SMIM43: variants seen among roughly 807,000 people sequenced by gnomAD.
SMIM43 encodes Nodal Enhanced MEsendoderm Peptide.
In SMIM43 at chr4:121,760,144, G is replaced by A. The variant is rs1179695494; in HGVS notation, c.*830C>T. The A allele has an allele frequency of 1.4e-5, 18 of 1,260,014 alleles. No homozygotes were observed. Among genetic ancestry groups the A allele is most frequent in the Non-Finnish European group, 1.9e-5 (18 of 925,198 alleles). 78.1% of individuals were successfully genotyped at this position (1,260,014 alleles called of 1,614,324 possible). A position where few individuals can be genotyped will look rare whatever the true frequency, so the allele number is the denominator to read the frequency against. The stretch of plus-strand genomic sequence containing the variant: ...AAGGAACTAGAGTTTTGATCTTTTT[G>A]AACTTTATGCTCCTCTGCAACTGTA... On this transcript the variant is annotated 3_prime_UTR_variant, in exon 6 of 6. Coordinates refer to ENST00000643802, the MANE Select transcript of SMIM43 (RefSeq NM_001384332.1).
In SMIM43 at chr4:121,761,868, T is replaced by A. The variant is rs1726091871; in HGVS notation, c.*303A>T. 3 of 1,612,170 alleles carry A rather than the reference T, an allele frequency of 1.9e-6. No individual in the cohort carries two copies. Among genetic ancestry groups the A allele is most frequent in the Middle Eastern group, 3.3e-4 (2 of 6,062 alleles). On this transcript the variant is annotated 3_prime_UTR_variant, in exon 4 of 6. Coordinates refer to ENST00000643802, the MANE Select transcript of SMIM43 (RefSeq NM_001384332.1). ...AGTGCAACAGCCAAGATTGTCCTGA[T>A]AAGATCTGAAGCCATTTTGAACACC...
rs1252687670 is a variant in SMIM43 at position 121,765,087 on chromosome 4, A to G, written c.19T>C (p.Leu7=). ...AAGAAGAGCGCCAGGTAGAGCAGCA[A>G]GTTGAGTTCCCACTCCATGCTGGAG... The part of the protein sequence containing the change: MEWELN[L]LLYLALFFFL... Residue 7 remains leucine (L), a synonymous_variant, in exon 1 of 6, where the codon TTG becomes CTG. Transcript: ENST00000643802. 2 of 397,860 alleles carry G rather than the reference A, an allele frequency of 5.0e-6. No individual in the cohort carries two copies. Among genetic ancestry groups the G allele is most frequent in the African/African-American group, 2.1e-5 (1 of 48,560 alleles). The allele number at this position is 397,860 out of a possible 1,614,324, so 24.6% of individuals were successfully genotyped here. A position where few individuals can be genotyped will look rare whatever the true frequency, so the allele number is the denominator to read the frequency against.
Position 121,760,216 on chromosome 4 carries a change from C to G in SMIM43, c.*758G>C. The G allele has an allele frequency of 1.3e-6, 2 of 1,527,596 alleles. No homozygotes were observed. The highest frequency in any genetic ancestry group is 1.8e-6 in the Non-Finnish European group (2 of 1,140,008). The allele number at this position is 1,527,596 out of a possible 1,614,324, so 94.6% of individuals were successfully genotyped here. ...TGTTAGTTGTCCTCCCAAGATCCAC[C>G]ATCATCTTCTTCTTCATCAAGAGAA... is the stretch of plus-strand genomic sequence containing the variant. On this transcript the variant is annotated 3_prime_UTR_variant, in exon 6 of 6. Coordinates refer to ENST00000643802, the MANE Select transcript of SMIM43 (RefSeq NM_001384332.1).
Position 121,763,404 on chromosome 4 carries a change from C to G in SMIM43, c.*206+360G>C, listed in dbSNP as rs536453690. Among the ~76,000 whole-genome samples the G allele has an allele frequency of 5.9e-5, 9 of 152,304 alleles. No homozygotes were observed. In the East Asian group the frequency reaches 1.7e-3, roughly 29 times the overall value. ...TATGACTTAGCTTATCCCACACTGA[C>G]ATGACTAAACCCAAATCTTCCCTTA... On this transcript the variant is annotated intron_variant, in intron 2 of 5. Transcript: ENST00000643802.
At chr4:121,763,691 T>C (rs1726189764) in intron 2 of SMIM43, 73 bp downstream of exon 2, 1 of 152,148 alleles carries the variant, frequency 6.6e-6, no homozygotes, top group African/African-American at 2.4e-5. Context: ...ACCAACATGT[T>C]TTTAGGCCCT....
At chr4:121,761,957 A>T in intron 3 of SMIM43, 65 bp from the exon 4 acceptor site, 1 of 1,328,936 alleles carries the variant, frequency 7.5e-7, no homozygotes, top group Non-Finnish European at 1.0e-6. Context: ...TACATAATAG[A>T]ATTATGGCTC....
In SMIM43 at chr4:121,760,407, G is replaced by C; in HGVS notation, c.*567C>G. ...TTTAAAAGGAAGTGGATTTGAACTG[G>C]CATGCCCCGTTTTCTCTGTGGGCTT... On this transcript the variant is annotated 3_prime_UTR_variant, in exon 6 of 6. Coordinates refer to ENST00000643802, the MANE Select transcript of SMIM43 (RefSeq NM_001384332.1). 1.3e-6 allele frequency: 2 copies of C among 1,577,848 alleles called. No homozygotes were observed. The highest frequency in any genetic ancestry group is 1.7e-6 in the Non-Finnish European group (2 of 1,160,512).
rs374529757 is a variant in SMIM43 at position 121,761,725 on chromosome 4, A to G, written c.*342-30T>C. Reference sequence around the variant, plus strand: ...AATTGAAGTTCAGACATAGGAATCTACTTTATTAGACATTTTAGATTTTGC... The same window carrying G: ...AATTGAAGTTCAGACATAGGAATCTGCTTTATTAGACATTTTAGATTTTGC... On this transcript the variant is annotated intron_variant, in intron 4 of 5. Transcript: ENST00000643802. The G allele has an allele frequency of 8.1e-6, 13 of 1,610,638 alleles. No homozygotes were observed. In the African/African-American group the frequency reaches 1.7e-4, roughly 22 times the overall value.
chr4:121,760,085 G>A lies in SMIM43; in HGVS notation c.*889C>T, dbSNP rs1164309560. ...CTTCACTCTGCTCACTCTGTCAGAG[G>A]GGAGCAGTGCTGCTTGGAGCTTTGA... On this transcript the variant is annotated 3_prime_UTR_variant, in exon 6 of 6. Coordinates refer to ENST00000643802, the MANE Select transcript of SMIM43 (RefSeq NM_001384332.1). 3 of 602,062 alleles carry A rather than the reference G, an allele frequency of 5.0e-6. No homozygotes were observed. The highest frequency in any genetic ancestry group is 7.5e-5 in the Admixed American group (2 of 26,684). The allele number at this position is 602,062 out of a possible 1,614,324, so 37.3% of individuals were successfully genotyped here.
In SMIM43 at chr4:121,760,363, T is replaced by C. The variant is rs545781475; in HGVS notation, c.*611A>G. 3.3e-5 allele frequency: 54 copies of C among 1,612,992 alleles called. No individual in the cohort carries two copies. In the East Asian group the frequency reaches 1.2e-3, roughly 36 times the overall value. ...CCAATGAGATGAAGGCAAAAGTTATTGGGCTGCTGAGGAAGCTCTTTAAAA... is the reference window on the plus strand; with the variant it reads ...CCAATGAGATGAAGGCAAAAGTTATCGGGCTGCTGAGGAAGCTCTTTAAAA... On this transcript the variant is annotated 3_prime_UTR_variant, in exon 6 of 6. Transcript: ENST00000643802.
intron 4 of SMIM43, 61 bp downstream of exon 4, chr4:121,761,769 A>G (rs1553925498): frequency 6.2e-7 from 1 of 1,610,282 alleles, no homozygotes; most frequent in Non-Finnish European, 8.5e-7. Flanking sequence ...GTGTGATGTC[A>G]TTCTCATTCA....
chr4:121,762,171 A>G (rs1478588330), intron 3 of SMIM43, among the ~76,000 whole-genome samples: 2 of 152,210 alleles, frequency 1.3e-5, no homozygotes. Flanking sequence ...TAGATTTGGC[A>G]CATAGTGATT....
intron 5 of SMIM43, 84 bp downstream of exon 5, chr4:121,761,454 A>G: frequency 7.3e-7 from 1 of 1,376,188 alleles, no homozygotes; most frequent in Non-Finnish European, 9.8e-7. Context: ...ATTTAACTCT[A>G]TTGCACTGAT....
At chr4:121,760,977 C>T (rs1033499793) in intron 5 of SMIM43, among the ~76,000 whole-genome samples, 6 of 152,106 alleles carry the variant, frequency 3.9e-5, no homozygotes, top group Non-Finnish European at 7.4e-5. Context: ...TGGGTCTGAA[C>T]GCCCTTCTGA....
intron 5 of SMIM43, among the ~76,000 whole-genome samples, chr4:121,760,990 A>C (rs752362614): frequency 2.6e-5 from 4 of 152,192 alleles, no homozygotes; most frequent in Admixed American, 6.5e-5. Context: ...CCTTCTGATA[A>C]TCCACCTTCC....
In SMIM43 at chr4:121,760,342, T is replaced by C. The variant is rs747174470; in HGVS notation, c.*632A>G. On this transcript the variant is annotated 3_prime_UTR_variant, in exon 6 of 6. Transcript: ENST00000643802. Reference sequence around the variant, plus strand: ...TAGCCAATGACACAGTTCTGGCCAATGAGATGAAGGCAAAAGTTATTGGGC... The same window carrying C: ...TAGCCAATGACACAGTTCTGGCCAACGAGATGAAGGCAAAAGTTATTGGGC... 6 of 1,613,876 alleles carry C rather than the reference T, an allele frequency of 3.7e-6. No individual in the cohort carries two copies. In the Admixed American group the frequency reaches 8.3e-5, roughly 22 times the overall value.
chr4:121,761,799 C>A (rs1292564700), intron 4 of SMIM43, 31 bp downstream of exon 4: 1 of 1,611,670 alleles, frequency 6.2e-7, no homozygotes, highest in East Asian at 2.2e-5. Context: ...GGTTATCTTG[C>A]CAAGTAGAAC....
At chr4:121,761,355 T>G (rs548640274) in intron 5 of SMIM43, among the ~76,000 whole-genome samples, 183 bp downstream of exon 5, 1 of 152,336 alleles carries the variant, frequency 6.6e-6, no homozygotes, top group Admixed American at 6.5e-5. Context: ...GTCTCTAGAT[T>G]AGTAAGTGTG....
At chr4:121,764,725 C>T (rs1726256132) in intron 1 of SMIM43, 92 bp downstream of exon 1, 1 of 392,862 alleles carries the variant, frequency 2.5e-6, no homozygotes, top group Non-Finnish European at 4.5e-6. Context: ...CACCCGAACG[C>T]GCTGCGAGCC....
Sources: allele counts gnomAD v4.1 joint callset (sites outside exome capture counted in the v4.1 genomes callset), GRCh38; gene constraint gnomAD v4.1.1; transcripts MANE v1.5; gene names NCBI Gene and HGNC (gene_info 2026-07-23, HGNC 2026-07-21).